Variants in DLG2 observed in about 807,000 individuals in gnomAD.
DLG2 encodes the protein discs large MAGUK scaffold protein 2.
Under a neutral mutation model 132.5 loss-of-function variants are expected in DLG2, and 45 were observed. The ratio of observed to expected loss-of-function variants is 0.34; its 90% CI spans 0.27 to 0.44. The LOEUF is 0.44. DLG2 is among the 20% of genes least tolerant of loss of function. The probability of loss-of-function intolerance (pLI) is 1.00; values close to 1 mark genes in which losing one functional copy is unlikely to be tolerated. For synonymous variants in DLG2, 424 were observed against 419.6 expected (o/e 1.01, Z -0.13); for missense variants, 1,045 against 1,196.9 (o/e 0.87, Z 1.87).
chr11:84,830,463 A>G (rs1267028130), intron 6 of DLG2, among the ~76,000 whole-genome samples: 2 of 151,150 alleles, frequency 1.3e-5, no homozygotes, highest in East Asian at 3.9e-4. Flanking sequence ...AGAAAGAGTG[A>G]AAAATGGTTT....
chr11:85,008,845 T>C (rs1188788370), intron 6 of DLG2, among the ~76,000 whole-genome samples: 1 of 152,000 alleles, frequency 6.6e-6, no homozygotes, highest in Non-Finnish European at 1.5e-5. Context: ...TACTGATTGA[T>C]GCTATAATGA....
chr11:85,607,539 T>A (rs187509743), intron 2 of DLG2, among the ~76,000 whole-genome samples: 1 of 152,332 alleles, frequency 6.6e-6, no homozygotes, highest in Admixed American at 6.5e-5. Context: ...TAAAAACCAC[T>A]CGCTCTCTCT....
chr11:85,612,731 C>T (rs1027351617), intron 2 of DLG2, among the ~76,000 whole-genome samples: 1 of 152,120 alleles, frequency 6.6e-6, no homozygotes, highest in Non-Finnish European at 1.5e-5. Context: ...AGTCCATCAG[C>T]GCAGAGCCAT....
intron 11 of DLG2, among the ~76,000 whole-genome samples, chr11:83,982,077 C>A (rs2092828514): frequency 6.6e-6 from 1 of 152,052 alleles, no homozygotes. Context: ...TGTAAATGAA[C>A]CTACTGCATT....
chr11:84,555,116 G>A (rs2099409415), intron 6 of DLG2, among the ~76,000 whole-genome samples: 2 of 152,050 alleles, frequency 1.3e-5, no homozygotes, highest in African/African-American at 4.8e-5. Flanking sequence ...AGAAAAATGG[G>A]AAGTCAACAA....
intron 6 of DLG2, among the ~76,000 whole-genome samples, chr11:84,877,033 C>T (rs1274733929): frequency 6.6e-6 from 1 of 152,168 alleles, no homozygotes; most frequent in Admixed American, 6.5e-5. Context: ...AATTTGATTG[C>T]ACTGTGGTCT....
intron 6 of DLG2, among the ~76,000 whole-genome samples, chr11:84,783,064 A>G (rs906188282): frequency 6.6e-6 from 1 of 152,152 alleles, no homozygotes; most frequent in Non-Finnish European, 1.5e-5. Context: ...TCTCAATTAC[A>G]TAAGAGATAA....
At chr11:85,055,287 T>C (rs2063337416) in intron 6 of DLG2, among the ~76,000 whole-genome samples, 1 of 152,204 alleles carries the variant, frequency 6.6e-6, no homozygotes. Context: ...ATTTCCACTT[T>C]GACTATGATA....
At chr11:83,672,823 G>A (rs2077048310) in intron 18 of DLG2, among the ~76,000 whole-genome samples, 1 of 152,220 alleles carries the variant, frequency 6.6e-6, no homozygotes, top group Non-Finnish European at 1.5e-5. Context: ...AGCACTTTGG[G>A]AGGCCGAGGC....
At chr11:85,255,033 C>A (rs1225427947) in intron 4 of DLG2, among the ~76,000 whole-genome samples, 1 of 151,700 alleles carries the variant, frequency 6.6e-6, no homozygotes, top group East Asian at 1.9e-4. Flanking sequence ...TGTTTATATG[C>A]CATTTGGTTG....
At chr11:85,483,195 G>C (rs1342138265) in intron 3 of DLG2, among the ~76,000 whole-genome samples, 1 of 152,094 alleles carries the variant, frequency 6.6e-6, no homozygotes, top group Non-Finnish European at 1.5e-5. Context: ...ATTAGCACGA[G>C]GATCCTTATT....
intron 6 of DLG2, among the ~76,000 whole-genome samples, chr11:84,882,787 T>C (rs1355361241): frequency 6.6e-6 from 1 of 152,122 alleles, no homozygotes; most frequent in Non-Finnish European, 1.5e-5. Flanking sequence ...AGAATCCTTG[T>C]ATTCAGATGA....
chr11:84,626,084 G>A (rs570413802), intron 6 of DLG2, among the ~76,000 whole-genome samples: 2 of 152,166 alleles, frequency 1.3e-5, no homozygotes, highest in African/African-American at 4.8e-5. Context: ...ACTAGTTCGG[G>A]TGATTCAGAT....
At chr11:85,371,276 G>C (rs2084953249) in intron 3 of DLG2, among the ~76,000 whole-genome samples, 1 of 152,100 alleles carries the variant, frequency 6.6e-6, no homozygotes, top group Non-Finnish European at 1.5e-5. Context: ...CAACCTTTTT[G>C]ACTTTCGCTT....
chr11:85,426,217 C>A (rs2090720995), intron 3 of DLG2, among the ~76,000 whole-genome samples: 1 of 152,072 alleles, frequency 6.6e-6, no homozygotes, highest in Non-Finnish European at 1.5e-5. Flanking sequence ...GGGGGCAGGG[C>A]ACAGCCAAAC....
At chr11:85,130,071 G>A (rs768176771) in intron 5 of DLG2, among the ~76,000 whole-genome samples, 2 of 152,098 alleles carry the variant, frequency 1.3e-5, no homozygotes, top group South Asian at 2.1e-4. Flanking sequence ...TGGGGGGCAA[G>A]AGGAGAAATA....
At chr11:85,371,160 A>G (rs957231013) in intron 3 of DLG2, among the ~76,000 whole-genome samples, 2 of 152,190 alleles carry the variant, frequency 1.3e-5, no homozygotes, top group Non-Finnish European at 2.9e-5. Flanking sequence ...GGATATTGTG[A>G]CATTGGAATA....
intron 9 of DLG2, among the ~76,000 whole-genome samples, chr11:84,099,790 T>G (rs867068049): frequency 1.4e-5 from 2 of 138,838 alleles, no homozygotes; most frequent in African/African-American, 5.7e-5. Context: ...TTTCTAAAGA[T>G]ATATATATAA....
Position 84,251,224 on chromosome 11 carries a change from A to T in DLG2, c.573+14T>A. 1 of 1,551,236 alleles carries T rather than the reference A, an allele frequency of 6.4e-7. No homozygotes were observed. The highest frequency in any genetic ancestry group is 1.2e-5 in the South Asian group (1 of 81,156). On this transcript the variant is annotated intron_variant, in intron 8 of 27. Coordinates refer to ENST00000376104, the MANE Select transcript of DLG2 (RefSeq NM_001142699.3). ...ACAGTTTTAAAAGAAGGTAGTAATG[A>T]AAAAGTTACTTACATAAGGAATTGT...
Sources: allele counts gnomAD v4.1 joint callset (sites outside exome capture counted in the v4.1 genomes callset), GRCh38; gene constraint gnomAD v4.1.1; transcripts MANE v1.5; gene names NCBI Gene and HGNC (gene_info 2026-07-23, HGNC 2026-07-21).